Variants in SMC5 observed in about 807,000 individuals in gnomAD.
SMC5 encodes the protein structural maintenance of chromosomes protein 5.
A neutral mutation model predicts 148.3 loss-of-function variants in SMC5; 88 were observed. That is an observed-to-expected ratio of 0.59 (90% CI 0.50 to 0.71). SMC5 has a LOEUF of 0.71. Among genes scored for constraint, SMC5 ranks in the 30% least tolerant of loss-of-function variants. The pLI is 0.00. For missense variants in SMC5, 1,142 were observed against 1,298.9 expected, an observed-to-expected ratio of 0.88 and a Z score of 1.86; for synonymous variants, 421 against 432.8, an observed-to-expected ratio of 0.97 and a Z score of 0.34.
At position 70,264,325 on chromosome 9, in the gene SMC5, A is replaced by G; in HGVS notation, c.207A>G (p.Val69=). Residue 69 remains valine (V), a synonymous_variant, in exon 2 of 25, where the codon GTA becomes GTG. Transcript: ENST00000361138. The part of the protein sequence containing the change: ...ENFLTYDICE[V]SPGPHLNMIV... ...TCAGAACATATGATATTTGTGAAGT[A>G]TCTCCTGGACCCCACTTGAATATGA... 1 of 1,613,594 alleles carries G rather than the reference A, an allele frequency of 6.2e-7. No homozygotes were observed. Among genetic ancestry groups the G allele is most frequent in the Non-Finnish European group, 8.5e-7 (1 of 1,179,668 alleles).
intron 17 of SMC5, among the ~76,000 whole-genome samples, chr9:70,327,792 TGTGGAATAGGG>T (rs901812294): frequency 6.6e-6 from 1 of 152,192 alleles, no homozygotes; most frequent in Admixed American, 6.5e-5. Flanking sequence ...ACACCACCAC[TGTGGAATAGGG>T]TATCTCTTCT....
intron 17 of SMC5, among the ~76,000 whole-genome samples, chr9:70,340,919 G>A (rs965378023): frequency 2.0e-5 from 3 of 152,016 alleles, no homozygotes; most frequent in African/African-American, 4.8e-5. Context: ...TAACTACAAA[G>A]TAATCTTTTT....
At chr9:70,350,573 C>A in intron 24 of SMC5, 102 bp downstream of exon 24, 3 of 663,618 alleles carry the variant, frequency 4.5e-6, no homozygotes, top group South Asian at 2.7e-5. Context: ...AGGAACACTC[C>A]CAAAAAAGGA....
Position 70,350,309 on chromosome 9 carries a change from T to C in SMC5, c.3069+16T>C. 1 of 1,611,770 alleles carries C rather than the reference T, an allele frequency of 6.2e-7. No homozygotes were observed. The highest frequency in any genetic ancestry group is 1.3e-5 in the African/African-American group (1 of 74,960). The stretch of plus-strand genomic sequence containing the variant: ...AATCAATCAGGTATGGTGATTGTTC[T>C]GTTACTTGGATCTTCTTATATCCTG... On this transcript the variant is annotated intron_variant, in intron 23 of 24. Coordinates refer to ENST00000361138, the MANE Select transcript of SMC5 (RefSeq NM_015110.4).
chr9:70,305,396 G>T, intron 11 of SMC5, 36 bp downstream of exon 11: 3 of 1,217,174 alleles, frequency 2.5e-6, no homozygotes, highest in South Asian at 1.3e-5. Context: ...TGATTCACTT[G>T]ACACTTACTT....
At chr9:70,310,764 A>G (rs1044787219) in intron 11 of SMC5, 2 of 149,770 alleles carry the variant, frequency 1.3e-5, no homozygotes, top group Non-Finnish European at 2.9e-5. Context: ...AGCCACCTTC[A>G]TCAGTGATCT....
intron 11 of SMC5, among the ~76,000 whole-genome samples, chr9:70,312,417 A>G (rs556262467): frequency 2.7e-4 from 41 of 152,306 alleles, no homozygotes; most frequent in African/African-American, 9.6e-4. Flanking sequence ...TCCCTCCCTC[A>G]GCAAGTGGGG....
rs1276784276 is a variant in SMC5 at position 70,354,502 on chromosome 9, G to A, written c.*2171G>A. On this transcript the variant is annotated 3_prime_UTR_variant, in exon 25 of 25. Coordinates refer to ENST00000361138, the MANE Select transcript of SMC5 (RefSeq NM_015110.4). Reference sequence around the variant, plus strand: ...GGCCTCCCAAAGTGCTGGGATTATAGGCGTGAGCCCCTGCACCCGGCCAAA... The same window carrying A: ...GGCCTCCCAAAGTGCTGGGATTATAAGCGTGAGCCCCTGCACCCGGCCAAA... 1 of 152,164 alleles carries A rather than the reference G, an allele frequency of 6.6e-6. No homozygotes were observed. The highest frequency in any genetic ancestry group is 1.5e-5 in the Non-Finnish European group (1 of 68,032). 9.4% of individuals were successfully genotyped at this position (152,164 alleles called of 1,614,324 possible). A position where few individuals can be genotyped will look rare whatever the true frequency, so the allele number is the denominator to read the frequency against.
chr9:70,261,396 G>T (rs2034128461), intron 1 of SMC5, among the ~76,000 whole-genome samples: 1 of 152,194 alleles, frequency 6.6e-6, no homozygotes, highest in African/African-American at 2.4e-5. Flanking sequence ...GATTTGACAG[G>T]ATCCAGCTAC....
At chr9:70,308,017 G>A (rs781710981) in intron 11 of SMC5, among the ~76,000 whole-genome samples, 11 of 151,982 alleles carry the variant, frequency 7.2e-5, no homozygotes, top group African/African-American at 1.5e-4. Flanking sequence ...TTTAGACACC[G>A]AGCTCTGGAT....
At position 70,323,493 on chromosome 9, in the gene SMC5, A is replaced by G. The variant is rs1433454651; in HGVS notation, c.2161A>G (p.Met721Val). Residue 721 changes from methionine to valine, a missense_variant, in exon 16 of 25, where the codon ATG becomes GTG. By Grantham distance (21) the Met-to-Val change is conservative. Around this residue, in one of 5 missense-constraint regions of SMC5, gnomAD observed 743 missense variants for 835.7 expected, o/e 0.89. Transcript: ENST00000361138. ...ATATGTGTCATACAGTTTAAAGCTG[A>G]TGGAACAGGATACTTGCAATCTTGA... ...ISSKLGSLKL[M>V]EQDTCNLEEE... The G allele has an allele frequency of 3.1e-6, 5 of 1,608,952 alleles. No individual in the cohort carries two copies. The highest frequency in any genetic ancestry group is 1.7e-6 in the Non-Finnish European group (2 of 1,178,884).
At chr9:70,281,407 A>G (rs966527624) in intron 6 of SMC5, among the ~76,000 whole-genome samples, 1 of 152,186 alleles carries the variant, frequency 6.6e-6, no homozygotes, top group Non-Finnish European at 1.5e-5. Context: ...TAATTAACAC[A>G]GTGCTCTTAA....
At chr9:70,305,201 C>G (rs545029321) in intron 10 of SMC5, 46 bp from the exon 11 acceptor site, 1 of 763,558 alleles carries the variant, frequency 1.3e-6, no homozygotes, top group East Asian at 2.6e-5. Flanking sequence ...TTTTAATAAT[C>G]AGTTGGGTTT....
At chr9:70,348,103 A>AT in intron 22 of SMC5, 65 bp downstream of exon 22, 1 of 1,277,976 alleles carries the variant, frequency 7.8e-7, no homozygotes, top group South Asian at 1.7e-5. Context: ...CTTAAAGTAC[A>AT]TATAAATTAT....
chr9:70,323,340 A>G (rs907686525), intron 15 of SMC5, 143 bp from the exon 16 acceptor site: 27 of 693,470 alleles, frequency 3.9e-5, no homozygotes, highest in Non-Finnish European at 1.8e-5. Context: ...AACAACTTAT[A>G]TTGATTGATC....
intron 11 of SMC5, among the ~76,000 whole-genome samples, chr9:70,313,489 T>G (rs1409260999): frequency 6.6e-6 from 1 of 152,038 alleles, no homozygotes; most frequent in African/African-American, 2.4e-5. Context: ...TTGTTTTTTT[T>G]GTTTTGTTTT....
At chr9:70,259,745 A>C (rs2034040245) in intron 1 of SMC5, among the ~76,000 whole-genome samples, 6 of 152,168 alleles carry the variant, frequency 3.9e-5, no homozygotes, top group Admixed American at 3.9e-4. Context: ...ACAGGTACAA[A>C]AAAATTAAAC....
intron 3 of SMC5, among the ~76,000 whole-genome samples, chr9:70,275,505 T>G (rs4599878): frequency 0.02 from 3,029 of 152,274 alleles, 47 homozygotes; most frequent in South Asian, 0.065. Flanking sequence ...CTGGCCTGAT[T>G]GTTGTCTTCT....
At chr9:70,297,366 A>G (rs1457025040) in intron 8 of SMC5, among the ~76,000 whole-genome samples, 1 of 152,224 alleles carries the variant, frequency 6.6e-6, no homozygotes, top group Non-Finnish European at 1.5e-5. Context: ...TATGCTACTC[A>G]TAAACAATCA....
Sources: gnomAD v4.1 joint callset for allele counts (sites outside exome capture counted in the v4.1 genomes callset) on GRCh38, gnomAD v4.1.1 for gene constraint, gnomAD v4.1.1 regional missense constraint, MANE v1.5 for transcripts, NCBI Gene and HGNC (gene_info 2026-07-23, HGNC 2026-07-21) for gene names.